TXK: variants seen among roughly 807,000 people sequenced by gnomAD.
TXK encodes the protein TXK tyrosine kinase.
Under a neutral mutation model 81.0 loss-of-function variants are expected in TXK, and 60 were observed. The observed-to-expected ratio is 0.74, with a 90% confidence interval of 0.60 to 0.92. TXK has a LOEUF of 0.92. Ranked by LOEUF, TXK falls within the 40% of genes least tolerant of loss-of-function variation. The pLI is 0.00. For synonymous variants in TXK, 203 were observed against 210.7 expected, an observed-to-expected ratio of 0.96 and a Z score of 0.32; for missense variants, 581 against 638.3, an observed-to-expected ratio of 0.91 and a Z score of 0.97.
intron 1 of TXK, among the ~76,000 whole-genome samples, chr4:48,117,111 C>T (rs559324146): frequency 9.2e-5 from 14 of 152,310 alleles, no homozygotes; most frequent in African/African-American, 2.9e-4. Flanking sequence ...TAGTCTCGGA[C>T]TCCTGACCTC....
intron 8 of TXK, among the ~76,000 whole-genome samples, chr4:48,092,587 G>A (rs1449420561): frequency 1.5e-5 from 1 of 67,368 alleles, no homozygotes; most frequent in Non-Finnish European, 4.0e-5. Flanking sequence ...ACTTACAAGA[G>A]CAATGTGTAA....
intron 3 of TXK, among the ~76,000 whole-genome samples, 183 bp downstream of exon 3, chr4:48,113,024 A>G (rs1386809848): frequency 1.3e-5 from 2 of 151,868 alleles, no homozygotes; most frequent in Admixed American, 1.3e-4. Context: ...TAAGTAGCCT[A>G]TTTTAACTGG....
chr4:48,071,751 A>G, intron 13 of TXK, 77 bp from the exon 14 acceptor site: 3 of 1,524,214 alleles, frequency 2.0e-6, no homozygotes, highest in Non-Finnish European at 2.7e-6. Flanking sequence ...ATTTCAAACT[A>G]CAAGGCATTA....
chr4:48,114,967 G>A (rs1046380420), intron 1 of TXK, among the ~76,000 whole-genome samples: 3 of 151,814 alleles, frequency 2.0e-5, no homozygotes, highest in Non-Finnish European at 4.4e-5. Flanking sequence ...GTCATACCCT[G>A]CATACCCCAG....
chr4:48,102,974 C>T (rs939087936), intron 6 of TXK, among the ~76,000 whole-genome samples: 2 of 152,100 alleles, frequency 1.3e-5, no homozygotes, highest in Non-Finnish European at 2.9e-5. Flanking sequence ...CCTTCTACCG[C>T]GATTGCCTCT....
chr4:48,112,261 T>C (rs1718655293), intron 4 of TXK, 46 bp downstream of exon 4: 8 of 1,565,758 alleles, frequency 5.1e-6, no homozygotes, highest in Non-Finnish European at 7.0e-6. Flanking sequence ...TAGTCTTCTT[T>C]GTGTTGGAAG....
intron 10 of TXK, among the ~76,000 whole-genome samples, chr4:48,082,263 G>T (rs1038665992): frequency 3.9e-5 from 6 of 152,158 alleles, no homozygotes; most frequent in Non-Finnish European, 7.4e-5. Context: ...ACTAGTTCAG[G>T]CCACGATGGG....
At chr4:48,103,435 C>G (rs536293691) in intron 6 of TXK, among the ~76,000 whole-genome samples, 31 of 152,222 alleles carry the variant, frequency 2.0e-4, no homozygotes, top group African/African-American at 7.5e-4. Context: ...AACCTCCATC[C>G]GTGGTCACCT....
chr4:48,110,423 A>G, intron 5 of TXK, 115 bp downstream of exon 5: 1 of 690,282 alleles, frequency 1.4e-6, no homozygotes, highest in Non-Finnish European at 2.5e-6. Flanking sequence ...CTTTATTATT[A>G]ACGCTGTCAA....
chr4:48,104,765 C>A (rs1577672074), intron 6 of TXK, 136 bp downstream of exon 6: 1 of 632,606 alleles, frequency 1.6e-6, no homozygotes. Flanking sequence ...TACAACTTCA[C>A]ATAAAATATA....
At position 48,120,146 on chromosome 4, in the gene TXK, T is replaced by C. The variant is rs1028367263; in HGVS notation, c.17-5744A>G. Among the ~76,000 whole-genome samples the C allele has an allele frequency of 3.3e-5, 4 of 119,586 alleles. 1 individual carries two copies. The highest frequency in any genetic ancestry group is 1.3e-4 in the African/African-American group (4 of 31,114). The allele number at this position is 119,586 out of a possible 152,430, so 78.5% of individuals were successfully genotyped here. On this transcript the variant is annotated intron_variant, in intron 1 of 14. Coordinates refer to ENST00000264316, the MANE Select transcript of TXK (RefSeq NM_003328.3). Reference sequence around the variant, plus strand: ...ACATATGTATATACATGTGTATATATGTATATATGCATATATATGTATATA... The same window carrying C: ...ACATATGTATATACATGTGTATATACGTATATATGCATATATATGTATATA...
rs368530691 is a variant in TXK at position 48,093,718 on chromosome 4, A to G, written c.709+359T>C. Among the ~76,000 whole-genome samples, 9 of 152,360 alleles carry G rather than the reference A, an allele frequency of 5.9e-5. No individual in the cohort carries two copies. In the South Asian group the frequency reaches 1.9e-3, roughly 32 times the overall value. ...ATCGTCAAAAGTAGAGAGCAGATTT[A>G]TGGGGGCAAAGGGAAAGAAGCATCA... On this transcript the variant is annotated intron_variant, in intron 8 of 14. Transcript: ENST00000264316.
chr4:48,131,335 TA>T (rs1440564552), intron 1 of TXK, among the ~76,000 whole-genome samples: 8 of 136,374 alleles, frequency 5.9e-5, no homozygotes, highest in African/African-American at 2.2e-4. Flanking sequence ...TTTTTTTTTT[TA>T]AAAGACTGGG....
At chr4:48,079,718 C>T (rs143728684) in intron 11 of TXK, among the ~76,000 whole-genome samples, 194 bp downstream of exon 11, 67 of 152,270 alleles carry the variant, frequency 4.4e-4, no homozygotes, top group African/African-American at 1.6e-3. Flanking sequence ...CAAGGTGAAC[C>T]CATTCGGCCT....
chr4:48,133,926 C>T (rs1719309500), intron 1 of TXK, among the ~76,000 whole-genome samples: 1 of 152,194 alleles, frequency 6.6e-6, no homozygotes, highest in African/African-American at 2.4e-5. Context: ...TCTGGACACT[C>T]TTTCTGTTTT....
chr4:48,110,748 T>G, intron 4 of TXK, 145 bp from the exon 5 acceptor site: 1 of 642,784 alleles, frequency 1.6e-6, no homozygotes, highest in East Asian at 2.8e-5. Context: ...AAAAAAAAGT[T>G]TTTTTATTTC....
chr4:48,129,676 G>A (rs907358897), intron 1 of TXK, among the ~76,000 whole-genome samples: 2 of 152,138 alleles, frequency 1.3e-5, no homozygotes, highest in African/African-American at 2.4e-5. Flanking sequence ...CCCCAGACAC[G>A]GACAGCAGCC....
intron 1 of TXK, among the ~76,000 whole-genome samples, chr4:48,128,833 C>T (rs1181425348): frequency 2.0e-5 from 3 of 151,994 alleles, no homozygotes; most frequent in African/African-American, 7.2e-5. Context: ...TCCCAAAGTG[C>T]TAGGATTACA....
At position 48,131,596 on chromosome 4, in the gene TXK, C is replaced by T. The variant is rs537744868; in HGVS notation, c.16+2559G>A. ...TACAGTAGACAACAGGTGATTCTTA[C>T]CATCAAATCAAATTAACAGAAGCTG... On this transcript the variant is annotated intron_variant, in intron 1 of 14. Transcript: ENST00000264316. Among the ~76,000 whole-genome samples, 45 of 152,270 alleles carry T rather than the reference C, an allele frequency of 3.0e-4. No individual in the cohort carries two copies. The South Asian group carries it at 6.8e-3, about 23-fold the overall frequency.
Sources: gnomAD v4.1 joint callset for allele counts (sites outside exome capture counted in the v4.1 genomes callset) on GRCh38, gnomAD v4.1.1 for gene constraint, MANE v1.5 for transcripts, NCBI Gene and HGNC (gene_info 2026-07-23, HGNC 2026-07-21) for gene names.